Variants in KNG1 observed in about 807,000 individuals in gnomAD.
KNG1 encodes the protein kininogen-1.
In KNG1, 23 loss-of-function variants were observed where a neutral mutation model predicts 47.8. The observed-to-expected ratio is 0.48, with a 90% CI of 0.35 to 0.68. The LOEUF is 0.68. Among genes scored for constraint, KNG1 ranks in the 30% least tolerant of loss-of-function variants. The pLI, the probability that KNG1 is intolerant of heterozygous loss-of-function variation, is 0.01. For missense variants in KNG1, 762 were observed against 790.2 expected, an observed-to-expected ratio of 0.96 and a Z score of 0.43; for synonymous variants, 277 against 277.0, an observed-to-expected ratio of 1.00 and a Z score of 0.00.
At chr3:186,734,707 G>A (rs1720624813) in intron 7 of KNG1, 2 of 152,038 alleles carry the variant, frequency 1.3e-5, no homozygotes, top group Admixed American at 1.3e-4. Context: ...GTGTAGTGGT[G>A]CACACCTTCA....
intron 9 of KNG1, among the ~76,000 whole-genome samples, chr3:186,740,259 A>G (rs1720773570): frequency 1.3e-5 from 2 of 152,050 alleles, no homozygotes; most frequent in South Asian, 4.1e-4. Context: ...AATTAGAAAG[A>G]CTCTGAGGTC....
At position 186,727,230 on chromosome 3, in the gene KNG1, G is replaced by T. The variant is rs554601464; in HGVS notation, c.565-7G>T. ...CCCTTTAAATATTCAATCTGAAATTGTTTCAGGTGGTGGCTGGATTGAACT... is the reference window on the plus strand; with the variant it reads ...CCCTTTAAATATTCAATCTGAAATTTTTTCAGGTGGTGGCTGGATTGAACT... On this transcript the variant is annotated splice_polypyrimidine_tract_variant and splice_region_variant and intron_variant, in intron 4 of 9. Transcript: ENST00000644859. 9 of 1,577,480 alleles carry T rather than the reference G, an allele frequency of 5.7e-6. No individual in the cohort carries two copies. The South Asian group carries it at 7.8e-5, about 14-fold the overall frequency.
rs1309206230 is a variant in KNG1, at chr3:186,730,705, TATATATATATAC to T, written c.673-838_673-827del. Among the ~76,000 whole-genome samples the T allele has an allele frequency of 6.5e-3, 670 of 102,968 alleles. 7 individuals carry two copies. Among genetic ancestry groups the T allele is most frequent in the African/African-American group, 0.025 (638 of 25,410 alleles). The allele number at this position is 102,968 out of a possible 152,430, so 67.6% of individuals were successfully genotyped here. On this transcript the variant is annotated intron_variant, in intron 5 of 9. Coordinates refer to ENST00000644859, the MANE Select transcript of KNG1 (RefSeq NM_001102416.3). ...AAAAATATATATATATATATATATATATATATATATACACACACACACACATATATATATACA... is the reference window on the plus strand; with the variant it reads ...AAAAATATATATATATATATATATATACACACACACACATATATATATACA...
At position 186,742,499 on chromosome 3, in the gene KNG1, G is replaced by C; in HGVS notation, c.*168G>C. On this transcript the variant is annotated 3_prime_UTR_variant, in exon 10 of 10. Transcript: ENST00000644859. ...CAGTGGAGACACCATCAGTCTCCAC[G>C]GACTGCATAAAATTGTGTGCCACAA... 1 of 1,445,134 alleles carries C rather than the reference G, an allele frequency of 6.9e-7. No individual in the cohort carries two copies. Among genetic ancestry groups the C allele is most frequent in the Non-Finnish European group, 9.0e-7 (1 of 1,107,140 alleles). The allele number at this position is 1,445,134 out of a possible 1,614,324, so 89.5% of individuals were successfully genotyped here.
At chr3:186,733,744 A>G (rs1258147422) in intron 7 of KNG1, among the ~76,000 whole-genome samples, 1 of 152,116 alleles carries the variant, frequency 6.6e-6, no homozygotes, top group Non-Finnish European at 1.5e-5. Flanking sequence ...TGAGGCAGGC[A>G]GATCACCTGA....
At chr3:186,726,379 C>T (rs5030019) in intron 4 of KNG1, among the ~76,000 whole-genome samples, 1,911 of 150,644 alleles carry the variant, frequency 0.013, 46 homozygotes, top group African/African-American at 0.044. Flanking sequence ...CAACTTCCAC[C>T]TCCCAAGTTT....
intron 7 of KNG1, chr3:186,735,906 T>G (rs939327836): frequency 6.6e-6 from 1 of 152,226 alleles, no homozygotes; most frequent in African/African-American, 2.4e-5. Flanking sequence ...ACCTCCCAAG[T>G]AGCTGGGATT....
rs143361917 is a variant in KNG1 at position 186,734,871 on chromosome 3, T to C, written c.930+2197T>C. On this transcript the variant is annotated intron_variant, in intron 7 of 9. Transcript: ENST00000644859. ...CAAAAAAACGAATGCCTCATAGTCA[T>C]AGTGGTGATTTTTAGGTGATGGAAT... The C allele has an allele frequency of 3.3e-5, 5 of 152,246 alleles. No individual in the cohort carries two copies. In the East Asian group the frequency reaches 9.7e-4, roughly 30 times the overall value. The allele number at this position is 152,246 out of a possible 1,614,324, so 9.4% of individuals were successfully genotyped here.
At chr3:186,736,476 C>A (rs1243075239) in intron 7 of KNG1, 1 of 152,146 alleles carries the variant, frequency 6.6e-6, no homozygotes, top group African/African-American at 2.4e-5. Flanking sequence ...TGAAACACTT[C>A]CTGAATCTTC....
intron 5 of KNG1, among the ~76,000 whole-genome samples, chr3:186,730,767 TAC>T (rs571960396): frequency 7.7e-4 from 108 of 140,868 alleles, no homozygotes; most frequent in Admixed American, 6.0e-3. Context: ...CATATATATA[TAC>T]ACACACACAA....
At chr3:186,738,674 C>A in intron 7 of KNG1, 1 of 196,954 alleles carries the variant, frequency 5.1e-6, no homozygotes, top group Non-Finnish European at 1.0e-5. Flanking sequence ...TGGAGAAACC[C>A]CATCTCTACT....
chr3:186,722,172 C>A, intron 2 of KNG1: 3 of 365,052 alleles, frequency 8.2e-6, no homozygotes, highest in East Asian at 5.7e-5. Flanking sequence ...AAATACCCTC[C>A]AGGGCTCAAA....
rs1307000542 is a variant in KNG1 at position 186,742,975 on chromosome 3, G to C, written c.*644G>C. On this transcript the variant is annotated 3_prime_UTR_variant, in exon 10 of 10. Transcript: ENST00000644859. The stretch of plus-strand genomic sequence containing the variant: ...GACAGGTTGGCCAAAGGGAGGAAAG[G>C]GGGGACATAAATTAATTGACTTTCT... 1.0e-6 allele frequency: 1 copy of C among 983,068 alleles called. No individual in the cohort carries two copies. The highest frequency in any genetic ancestry group is 1.2e-6 in the Non-Finnish European group (1 of 827,872). The allele number at this position is 983,068 out of a possible 1,614,324, so 60.9% of individuals were successfully genotyped here.
chr3:186,730,745 TATATATATACAC>T (rs1720508481), intron 5 of KNG1, among the ~76,000 whole-genome samples: 8 of 111,978 alleles, frequency 7.1e-5, no homozygotes, highest in Non-Finnish European at 1.2e-4. Context: ...TATATACACA[TATATATATACAC>T]ATATATATAT....
chr3:186,736,008 A>C (rs1194965847), intron 7 of KNG1: 2 of 152,198 alleles, frequency 1.3e-5, no homozygotes, highest in Admixed American at 1.3e-4. Context: ...GAGGTTTGCC[A>C]TCAAAAACAG....
chr3:186,734,247 A>G (rs948340966), intron 7 of KNG1, among the ~76,000 whole-genome samples: 4 of 152,222 alleles, frequency 2.6e-5, no homozygotes, highest in African/African-American at 9.6e-5. Context: ...TGCAGTTTTA[A>G]GTATAACAGC....
intron 2 of KNG1, chr3:186,722,051 G>A (rs1829886): frequency 0.43 from 74,045 of 173,114 alleles, 16,666 homozygotes; most frequent in South Asian, 0.61. Context: ...GGAGGCAGAG[G>A]TTGCAGTGAA....
Position 186,727,238 on chromosome 3 carries a change from T to A in KNG1, c.566T>A (p.Val189Glu). ...LNEVKRAQRQ[V>E]VAGLNFRITY... ...ATATTCAATCTGAAATTGTTTCAGG[T>A]GGTGGCTGGATTGAACTTTCGAATT... Residue 189 changes from valine (V) to glutamate (E), a missense_variant and splice_region_variant, in exon 5 of 10, where the codon GTG becomes GAG. Physicochemically the swap from Val to Glu is moderately radical, Grantham distance 121 (BLOSUM62 -2). Transcript: ENST00000644859. 6.2e-7 allele frequency: 1 copy of A among 1,602,298 alleles called. No homozygotes were observed. The highest frequency in any genetic ancestry group is 1.3e-5 in the African/African-American group (1 of 74,882).
chr3:186,733,074 T>A (rs5030049), intron 7 of KNG1, among the ~76,000 whole-genome samples: 2 of 151,926 alleles, frequency 1.3e-5, no homozygotes, highest in African/African-American at 4.8e-5. Context: ...GGTGAAACCC[T>A]GTCTCTACTA....
Sources: allele counts gnomAD v4.1 joint callset (sites outside exome capture counted in the v4.1 genomes callset), GRCh38; gene constraint gnomAD v4.1.1; transcripts MANE v1.5; gene names NCBI Gene and HGNC (gene_info 2026-07-23, HGNC 2026-07-21).